Variants in FMN1 observed in about 807,000 individuals in gnomAD.
FMN1 encodes the protein formin 1.
FMN1 carries 110 observed loss-of-function variants against 132.4 expected under a neutral mutation model. The observed-to-expected ratio is 0.83, with a 90% CI of 0.71 to 0.97. The LOEUF is 0.97. Ranked by LOEUF, FMN1 falls within the 50% of genes least tolerant of loss-of-function variation. FMN1 has a pLI of 0.00. For synonymous variants in FMN1, 722 were observed against 651.7 expected, an observed-to-expected ratio of 1.11 and a Z score of -1.64; for missense variants, 1,792 against 1,705.3, an observed-to-expected ratio of 1.05 and a Z score of -0.90.
chr15:33,102,105 G>A (rs892262612), intron 4 of FMN1, among the ~76,000 whole-genome samples: 4 of 152,032 alleles, frequency 2.6e-5, no homozygotes, highest in Admixed American at 1.3e-4. Flanking sequence ...GTACATGTAT[G>A]ATACTACAGC....
At chr15:33,011,365 T>G (rs552207933) in intron 6 of FMN1, among the ~76,000 whole-genome samples, 4 of 152,110 alleles carry the variant, frequency 2.6e-5, no homozygotes, top group African/African-American at 9.7e-5. Context: ...GTTCCTTTCT[T>G]ATGGAAAAAG....
intron 3 of FMN1, among the ~76,000 whole-genome samples, chr15:33,161,714 C>T (rs562722174): frequency 7.9e-5 from 12 of 151,976 alleles, no homozygotes; most frequent in South Asian, 6.2e-4. Context: ...GTCAGGAGAT[C>T]GAGACCACCC....
intron 17 of FMN1, among the ~76,000 whole-genome samples, chr15:32,844,765 A>G (rs1358484027): frequency 6.6e-6 from 1 of 152,226 alleles, no homozygotes; most frequent in African/African-American, 2.4e-5. Flanking sequence ...TATTCGCACC[A>G]TTGGGTAAGT....
intron 6 of FMN1, among the ~76,000 whole-genome samples, chr15:33,049,801 TACTTC>T (rs1290348671): frequency 1.3e-5 from 2 of 152,340 alleles, no homozygotes; most frequent in East Asian, 1.9e-4. Context: ...GTTGCTTCTG[TACTTC>T]ACTTATGTTT....
At chr15:33,062,397 G>A (rs1013557601) in intron 6 of FMN1, among the ~76,000 whole-genome samples, 8 of 152,118 alleles carry the variant, frequency 5.3e-5, no homozygotes, top group African/African-American at 1.9e-4. Context: ...CGAGGCGGGG[G>A]GATCACGAGG....
chr15:33,170,572 C>CT (rs1965283074), intron 3 of FMN1, among the ~76,000 whole-genome samples: 2 of 148,944 alleles, frequency 1.3e-5, no homozygotes, highest in African/African-American at 5.0e-5. Context: ...AAAAAAAACC[C>CT]GTTGAAAAAT....
rs1014589318 is a variant in FMN1, at chr15:32,768,462, G to C, written c.*5848C>G. The C allele has an allele frequency of 6.6e-6, 1 of 152,234 alleles. No individual in the cohort carries two copies. The highest frequency in any genetic ancestry group is 1.5e-5 in the Non-Finnish European group (1 of 68,050). 9.4% of individuals were successfully genotyped at this position (152,234 alleles called of 1,614,324 possible). ...GATGTATTAAGATAATGCATTGGCA[G>C]CTCACACTATACATGGAGAGAAATA... On this transcript the variant is annotated 3_prime_UTR_variant, in exon 21 of 21. Coordinates refer to ENST00000616417, the MANE Select transcript of FMN1 (RefSeq NM_001277313.2).
intron 3 of FMN1, among the ~76,000 whole-genome samples, chr15:33,167,503 C>T (rs1217034565): frequency 6.6e-6 from 1 of 152,166 alleles, no homozygotes; most frequent in Non-Finnish European, 1.5e-5. Flanking sequence ...TTAACCAGTG[C>T]TAGGCCTTTG....
intron 3 of FMN1, among the ~76,000 whole-genome samples, chr15:33,173,914 C>G (rs963484897): frequency 6.6e-6 from 1 of 151,684 alleles, no homozygotes; most frequent in African/African-American, 2.4e-5. Flanking sequence ...GGGCAGCAAG[C>G]CTCTGTCTCA....
At chr15:33,001,506 C>A (rs2034103420) in intron 7 of FMN1, among the ~76,000 whole-genome samples, 1 of 152,106 alleles carries the variant, frequency 6.6e-6, no homozygotes, top group African/African-American at 2.4e-5. Flanking sequence ...ATAATATCCA[C>A]AACATAATTC....
chr15:33,116,721 A>T (rs999868732), intron 4 of FMN1, among the ~76,000 whole-genome samples: 1 of 151,846 alleles, frequency 6.6e-6, no homozygotes, highest in Non-Finnish European at 1.5e-5. Flanking sequence ...AAACATGATT[A>T]TAAGATGCGA....
intron 7 of FMN1, among the ~76,000 whole-genome samples, chr15:32,978,928 G>A (rs141628061): frequency 8.4e-4 from 128 of 152,244 alleles, no homozygotes; most frequent in African/African-American, 3.0e-3. Context: ...CAATTATATA[G>A]AATTATCAAA....
At position 32,767,973 on chromosome 15, in the gene FMN1, C is replaced by G. The variant is rs1342267980; in HGVS notation, c.*6337G>C. ...AATGTATGAAGAAATAAGATTTTATCTAGAGACAAGTTAGCATGAAGCGAG... is the reference window on the plus strand; with the variant it reads ...AATGTATGAAGAAATAAGATTTTATGTAGAGACAAGTTAGCATGAAGCGAG... On this transcript the variant is annotated 3_prime_UTR_variant, in exon 21 of 21. Coordinates refer to ENST00000616417, the MANE Select transcript of FMN1 (RefSeq NM_001277313.2). 6.6e-6 allele frequency: 1 copy of G among 152,100 alleles called. No homozygotes were observed. Among genetic ancestry groups the G allele is most frequent in the Non-Finnish European group, 1.5e-5 (1 of 68,018 alleles). The allele number at this position is 152,100 out of a possible 1,614,324, so 9.4% of individuals were successfully genotyped here. A position where few individuals can be genotyped will look rare whatever the true frequency, so the allele number is the denominator to read the frequency against.
chr15:32,953,950 A>T (rs1246811860), intron 9 of FMN1, among the ~76,000 whole-genome samples: 1 of 152,212 alleles, frequency 6.6e-6, no homozygotes, highest in African/African-American at 2.4e-5. Context: ...TGTATGTGGG[A>T]ACGTATCCAC....
intron 3 of FMN1, among the ~76,000 whole-genome samples, chr15:33,177,736 G>C (rs1965562094): frequency 6.6e-6 from 1 of 152,200 alleles, no homozygotes; most frequent in Non-Finnish European, 1.5e-5. Context: ...TGGGTGCAGT[G>C]GTTCATGCCT....
At chr15:33,013,661 A>G (rs1333325331) in intron 6 of FMN1, among the ~76,000 whole-genome samples, 1 of 152,226 alleles carries the variant, frequency 6.6e-6, no homozygotes, top group Admixed American at 6.5e-5. Context: ...CAATATAGGC[A>G]AAACAGAACA....
chr15:32,962,456 C>G (rs1344167646), intron 9 of FMN1, among the ~76,000 whole-genome samples: 48 of 151,766 alleles, frequency 3.2e-4, no homozygotes, highest in Non-Finnish European at 5.9e-5. Context: ...TCTAAAACAC[C>G]AAAAGCAATG....
At chr15:32,830,354 T>C (rs1596030551) in intron 17 of FMN1, among the ~76,000 whole-genome samples, 1 of 152,172 alleles carries the variant, frequency 6.6e-6, no homozygotes, top group East Asian at 1.9e-4. Context: ...CTTCATTAGT[T>C]TGATTGTTTT....
At chr15:32,971,370 G>A (rs1480678621) in intron 7 of FMN1, among the ~76,000 whole-genome samples, 1 of 152,138 alleles carries the variant, frequency 6.6e-6, no homozygotes, top group Non-Finnish European at 1.5e-5. Context: ...CTCAAAATCA[G>A]GATAAGCAAA....
Sources: gnomAD v4.1 joint callset for allele counts (sites outside exome capture counted in the v4.1 genomes callset) on GRCh38, gnomAD v4.1.1 for gene constraint, MANE v1.5 for transcripts, NCBI Gene and HGNC (gene_info 2026-07-23, HGNC 2026-07-21) for gene names.